The following VOPP1 variants were observed in gnomAD, a reference collection of about 807,000 sequenced individuals.
VOPP1 encodes VOPP1 WW domain binding protein.
Under a neutral mutation model 23.5 loss-of-function variants are expected in VOPP1, and 8 were observed. The observed-to-expected ratio is 0.34, with a 90% CI of 0.20 to 0.61. The LOEUF is 0.61. Ranked by LOEUF, VOPP1 falls within the 20% of genes least tolerant of loss-of-function variation. The pLI is 0.78. For synonymous variants in VOPP1, 83 were observed against 97.3 expected (o/e 0.85, Z 0.86); for missense variants, 174 against 238.1 (o/e 0.73, Z 1.77).
intron 4 of VOPP1, among the ~76,000 whole-genome samples, chr7:55,452,766 A>G (rs111328260): frequency 0.012 from 1,830 of 152,352 alleles, 13 homozygotes; most frequent in Admixed American, 0.021. Context: ...CGCTTAAAAC[A>G]CTAAGCTAAC....
chr7:55,546,748 C>G (rs1258649561), intron 1 of VOPP1, among the ~76,000 whole-genome samples: 1 of 152,230 alleles, frequency 6.6e-6, no homozygotes, highest in African/African-American at 2.4e-5. Flanking sequence ...CCACCACCAC[C>G]CCTGAATTAA....
chr7:55,462,748 C>T lies in VOPP1; in HGVS notation n.418-26574G>A, dbSNP rs1003991341. Among the ~76,000 whole-genome samples, 19 of 147,218 alleles carry T rather than the reference C, an allele frequency of 1.3e-4. No homozygotes were observed. The East Asian group carries it at 3.3e-3, about 26-fold the overall frequency. On this transcript the variant is annotated intron_variant and non_coding_transcript_variant, in intron 4 of 4. Transcript: ENST00000462326. ...TCGGCTCACTGCAAGCTCCGCCTCC[C>T]GGGTTCACGCCATTCTCCTGCCTCA...
chr7:55,565,543 T>A (rs1244386993), intron 1 of VOPP1, among the ~76,000 whole-genome samples: 5 of 152,204 alleles, frequency 3.3e-5, no homozygotes, highest in Admixed American at 6.5e-5. Context: ...TAAAAAATAG[T>A]GTTCAGACAT....
intron 1 of VOPP1, chr7:55,526,766 T>C (rs141739538): frequency 0.011 from 1,674 of 152,354 alleles, 11 homozygotes; most frequent in Middle Eastern, 0.02. Context: ...ATGTTACTTA[T>C]CACGGCAACG....
At chr7:55,462,662 T>TCATTCATTGAACCCTTCAGTCCCAGGA (rs1383445336) in intron 4 of VOPP1, among the ~76,000 whole-genome samples, 8 of 145,704 alleles carry the variant, frequency 5.5e-5, no homozygotes, top group Admixed American at 2.8e-4. Flanking sequence ...TATATTTTTT[T>TCATTCATTGAACCCTTCAGTCCCAGGA]TTTTTTTTTT....
chr7:55,477,568 G>A (rs1416148593), intron 4 of VOPP1, among the ~76,000 whole-genome samples: 1 of 152,210 alleles, frequency 6.6e-6, no homozygotes, highest in African/African-American at 2.4e-5. Flanking sequence ...GGTCTTTGTA[G>A]AAGAGAGGCA....
rs75788123 is a variant in VOPP1, at chr7:55,557,782, G to A, written c.54+14489C>T. Among the ~76,000 whole-genome samples the A allele has an allele frequency of 1.6e-3, 241 of 152,352 alleles. No homozygotes were observed. The East Asian group carries it at 0.018, about 11-fold the overall frequency. ...TACACACAACCACAAGGGCAGGACCGTCCGCAGAGAATGGCAGAATGGAAG... is the reference window on the plus strand; with the variant it reads ...TACACACAACCACAAGGGCAGGACCATCCGCAGAGAATGGCAGAATGGAAG... On this transcript the variant is annotated intron_variant, in intron 1 of 4. Transcript: ENST00000285279.
chr7:55,510,560 A>C (rs963776895), intron 2 of VOPP1, among the ~76,000 whole-genome samples: 4 of 147,246 alleles, frequency 2.7e-5, no homozygotes, highest in African/African-American at 7.5e-5. Flanking sequence ...ACTTTATATA[A>C]GGGCACTGGC....
At chr7:55,544,238 G>A (rs553059936) in intron 1 of VOPP1, among the ~76,000 whole-genome samples, 3 of 152,324 alleles carry the variant, frequency 2.0e-5, no homozygotes, top group South Asian at 4.1e-4. Context: ...GTGTGGCCCA[G>A]CATGCTTCTG....
chr7:55,527,563 T>C (rs1342098829), intron 1 of VOPP1, among the ~76,000 whole-genome samples: 8 of 152,172 alleles, frequency 5.3e-5, no homozygotes, highest in Admixed American at 5.2e-4. Context: ...CTGCTTTACC[T>C]GCTTTCGTGT....
chr7:55,517,140 G>T (rs933884968), intron 2 of VOPP1, among the ~76,000 whole-genome samples: 2 of 150,564 alleles, frequency 1.3e-5, no homozygotes, highest in Non-Finnish European at 3.0e-5. Context: ...GTAGAGACGG[G>T]GTTTCACCAT....
At chr7:55,538,118 TG>T (rs1397175406) in intron 1 of VOPP1, among the ~76,000 whole-genome samples, 2 of 152,232 alleles carry the variant, frequency 1.3e-5, no homozygotes, top group African/African-American at 4.8e-5. Flanking sequence ...GCTGAACTGG[TG>T]GAAAACTTTT....
intron 1 of VOPP1, among the ~76,000 whole-genome samples, chr7:55,535,392 G>A (rs1465030493): frequency 6.6e-6 from 1 of 152,162 alleles, no homozygotes; most frequent in Non-Finnish European, 1.5e-5. Context: ...GAGGGCACTG[G>A]GGCAGGCTCC....
At chr7:55,515,443 G>C (rs988861683) in intron 2 of VOPP1, among the ~76,000 whole-genome samples, 2 of 152,188 alleles carry the variant, frequency 1.3e-5, no homozygotes, top group African/African-American at 4.8e-5. Flanking sequence ...CCACCTCTGG[G>C]CACAGAACCC....
chr7:55,539,039 A>G (rs1796979705), intron 1 of VOPP1, among the ~76,000 whole-genome samples: 1 of 11,724 alleles, frequency 8.5e-5, no homozygotes, highest in Non-Finnish European at 1.7e-4. Context: ...TTTAAAAAAA[A>G]AGGGGGGGGG....
chr7:55,497,713 G>A, intron 2 of VOPP1, 23 bp from the exon 3 acceptor site: 6 of 1,611,990 alleles, frequency 3.7e-6, no homozygotes, highest in Non-Finnish European at 5.1e-6. Flanking sequence ...GCACAGGCTG[G>A]TCAGCACTGA....
chr7:55,535,605 T>C (rs778381663), intron 1 of VOPP1, among the ~76,000 whole-genome samples: 1 of 152,252 alleles, frequency 6.6e-6, no homozygotes, highest in Non-Finnish European at 1.5e-5. Flanking sequence ...CTTCAGAGTT[T>C]CCACCAACGG....
At chr7:55,536,201 C>G (rs985116005) in intron 1 of VOPP1, among the ~76,000 whole-genome samples, 1 of 152,190 alleles carries the variant, frequency 6.6e-6, no homozygotes, top group Admixed American at 6.5e-5. Flanking sequence ...AGTATGGAGA[C>G]TGGCCCTGAC....
downstream of VOPP1, among the ~76,000 whole-genome samples, chr7:55,469,270 A>G (rs1246451483): frequency 6.6e-6 from 1 of 152,068 alleles, no homozygotes; most frequent in Non-Finnish European, 1.5e-5. Context: ...AAAAATCTCT[A>G]ACTTCCTAGG....
Sources: gnomAD v4.1 joint callset for allele counts (sites outside exome capture counted in the v4.1 genomes callset) on GRCh38, gnomAD v4.1.1 for gene constraint, MANE v1.5 for transcripts, NCBI Gene and HGNC (gene_info 2026-07-23, HGNC 2026-07-21) for gene names.